Variants in NPAS3 observed in about 807,000 individuals in gnomAD.
NPAS3 encodes the protein neuronal PAS domain protein 3.
Under a neutral mutation model 73.1 loss-of-function variants are expected in NPAS3, and 14 were observed. That is an observed-to-expected ratio of 0.19 (90% CI 0.13 to 0.30). The LOEUF is 0.30. Among genes scored for constraint, NPAS3 ranks in the 10% least tolerant of loss-of-function variants. NPAS3 has a pLI of 1.00. For synonymous variants in NPAS3, 620 were observed against 541.5 expected (o/e 1.14, Z -2.01); for missense variants, 1,096 against 1,250.0 (o/e 0.88, Z 1.86).
At chr14:32,953,230 A>G (rs1291878287) in intron 1 of NPAS3, among the ~76,000 whole-genome samples, 1 of 152,018 alleles carries the variant, frequency 6.6e-6, no homozygotes, top group African/African-American at 2.4e-5. Flanking sequence ...TTTTGTAGAA[A>G]GGCCTCCACA....
chr14:33,793,176 C>T (rs1404765830), intron 9 of NPAS3, among the ~76,000 whole-genome samples: 1 of 152,130 alleles, frequency 6.6e-6, no homozygotes, highest in African/African-American at 2.4e-5. Context: ...TTACTTGCTC[C>T]TTCATTTGGG....
At chr14:33,348,552 G>C (rs1197066583) in intron 3 of NPAS3, among the ~76,000 whole-genome samples, 3 of 152,178 alleles carry the variant, frequency 2.0e-5, no homozygotes, top group Non-Finnish European at 2.9e-5. Context: ...TTCAGAAACA[G>C]AGTGAATTGT....
At chr14:33,438,892 G>A (rs996861758) in intron 4 of NPAS3, among the ~76,000 whole-genome samples, 1 of 152,066 alleles carries the variant, frequency 6.6e-6, no homozygotes, top group Non-Finnish European at 1.5e-5. Context: ...TGACATCTCC[G>A]ACAAGCAATG....
intron 3 of NPAS3, among the ~76,000 whole-genome samples, chr14:33,331,233 T>C (rs1004464562): frequency 3.3e-4 from 50 of 152,310 alleles, no homozygotes; most frequent in African/African-American, 1.1e-3. Flanking sequence ...ATATAATACA[T>C]GTGCAAGAAA....
chr14:32,992,831 C>T (rs554124290), intron 1 of NPAS3, among the ~76,000 whole-genome samples: 7 of 151,898 alleles, frequency 4.6e-5, no homozygotes, highest in East Asian at 3.9e-4. Context: ...ATAGGAAGAC[C>T]GTGATATGGA....
At chr14:33,769,853 CTCCTAGGT>C (rs900501424) in intron 7 of NPAS3, among the ~76,000 whole-genome samples, 6 of 142,010 alleles carry the variant, frequency 4.2e-5, no homozygotes, top group Admixed American at 1.5e-4. Context: ...CAGCATCCAT[CTCCTAGGT>C]TCAAGCAATC....
At chr14:33,687,691 CA>C (rs1254448595) in intron 6 of NPAS3, among the ~76,000 whole-genome samples, 1 of 152,210 alleles carries the variant, frequency 6.6e-6, no homozygotes, top group African/African-American at 2.4e-5. Context: ...TTACATTTCA[CA>C]TGTAAAAACA....
chr14:33,385,143 T>C (rs1487061414), intron 4 of NPAS3, among the ~76,000 whole-genome samples: 1 of 152,222 alleles, frequency 6.6e-6, no homozygotes, highest in Non-Finnish European at 1.5e-5. Context: ...TGTTTCATTT[T>C]GCGGCTCCCA....
At chr14:33,706,768 C>T (rs566735211) in intron 6 of NPAS3, among the ~76,000 whole-genome samples, 3 of 152,200 alleles carry the variant, frequency 2.0e-5, no homozygotes, top group South Asian at 4.2e-4. Flanking sequence ...GGCTCAGAGA[C>T]GTCAATAAGT....
At chr14:33,571,165 G>A (rs949671975) in intron 5 of NPAS3, among the ~76,000 whole-genome samples, 4 of 152,190 alleles carry the variant, frequency 2.6e-5, no homozygotes, top group African/African-American at 7.2e-5. Context: ...AAAAGCAGGA[G>A]AAAGGGCTCT....
chr14:33,688,272 C>T (rs1018162718), intron 6 of NPAS3, among the ~76,000 whole-genome samples: 3 of 152,270 alleles, frequency 2.0e-5, no homozygotes, highest in South Asian at 2.1e-4. Flanking sequence ...CTTGGTAGCA[C>T]GTGTTCTCAC....
chr14:33,467,503 CT>C (rs2050581191), intron 4 of NPAS3, among the ~76,000 whole-genome samples: 1 of 152,172 alleles, frequency 6.6e-6, no homozygotes, highest in African/African-American at 2.4e-5. Flanking sequence ...GTAGAGCTCA[CT>C]TTAGACATGA....
exon 12 of NPAS3, chr14:33,799,932 C>A: frequency 1.2e-6 from 2 of 1,614,112 alleles, no homozygotes; most frequent in Non-Finnish European, 1.7e-6. Flanking sequence ...AACCCCAAGG[C>A]GGGCGAGGAC....
chr14:33,708,606 G>A (rs1467791526), intron 6 of NPAS3, among the ~76,000 whole-genome samples: 1 of 152,130 alleles, frequency 6.6e-6, no homozygotes, highest in Non-Finnish European at 1.5e-5. Context: ...CCTGGAAGAG[G>A]AAGATGAAAA....
At chr14:33,030,507 A>G (rs2039952173) in intron 1 of NPAS3, among the ~76,000 whole-genome samples, 1 of 152,206 alleles carries the variant, frequency 6.6e-6, no homozygotes, top group African/African-American at 2.4e-5. Flanking sequence ...AGATGATGAC[A>G]GCTAGCTGGC....
At chr14:33,693,891 A>G (rs1359923949) in intron 6 of NPAS3, among the ~76,000 whole-genome samples, 1 of 152,160 alleles carries the variant, frequency 6.6e-6, no homozygotes, top group African/African-American at 2.4e-5. Context: ...GTTCTTCATC[A>G]TAATTATTTC....
intron 4 of NPAS3, among the ~76,000 whole-genome samples, chr14:33,464,878 C>T (rs569831779): frequency 6.2e-4 from 94 of 152,266 alleles, no homozygotes; most frequent in Non-Finnish European, 2.8e-4. Flanking sequence ...CCTGGACCCC[C>T]ACACCTGTGA....
chr14:32,958,569 C>T (rs1379067598), intron 1 of NPAS3, among the ~76,000 whole-genome samples: 2 of 152,170 alleles, frequency 1.3e-5, no homozygotes, highest in Admixed American at 6.5e-5. Context: ...CCCTGGCATT[C>T]ATTCTCATGG....
intron 5 of NPAS3, among the ~76,000 whole-genome samples, chr14:33,580,026 C>T (rs1012069097): frequency 6.6e-6 from 1 of 152,178 alleles, no homozygotes; most frequent in African/African-American, 2.4e-5. Flanking sequence ...ATTTTATGAA[C>T]ATACCTTTGT....
Sources: allele counts gnomAD v4.1 joint callset (sites outside exome capture counted in the v4.1 genomes callset), GRCh38; gene constraint gnomAD v4.1.1; transcripts MANE v1.5; gene names NCBI Gene and HGNC (gene_info 2026-07-23, HGNC 2026-07-21).